The following EPB41L4A variants were observed in gnomAD, a reference collection of about 807,000 sequenced individuals.
EPB41L4A encodes the protein erythrocyte membrane protein band 4.1 like 4A, also known as band 4.1-like protein 4A.
Under a neutral mutation model 108.6 loss-of-function variants are expected in EPB41L4A, and 100 were observed. The observed-to-expected ratio is 0.92, with a 90% confidence interval of 0.78 to 1.09. EPB41L4A has a LOEUF of 1.09. Ranked by LOEUF, EPB41L4A falls within the 50% of genes least tolerant of loss-of-function variation. The probability of loss-of-function intolerance (pLI) is 0.00; values close to 1 mark genes in which losing one functional copy is unlikely to be tolerated. For synonymous variants in EPB41L4A, 319 were observed against 289.0 expected, an observed-to-expected ratio of 1.10 and a Z score of -1.05; for missense variants, 1,030 against 842.7, an observed-to-expected ratio of 1.22 and a Z score of -2.75.
In EPB41L4A at chr5:112,227,805, T is replaced by C. The variant is rs192414588; in HGVS notation, c.1087+6829A>G. ...CTTAGCAGCCCAGAGCTATACTTCA[T>C]CAAATGAAACTGTACTTCATTATAT... is the stretch of plus-strand genomic sequence containing the variant. On this transcript the variant is annotated intron_variant, in intron 12 of 22. Transcript: ENST00000261486. Among the ~76,000 whole-genome samples, 716 of 152,354 alleles carry C rather than the reference T, an allele frequency of 4.7e-3. 8 individuals carry two copies. The highest frequency in any genetic ancestry group is 0.017 in the South Asian group (81 of 4,830).
chr5:112,245,106 CA>C (rs201980289), intron 9 of EPB41L4A, among the ~76,000 whole-genome samples: 2,817 of 103,788 alleles, frequency 0.027, 42 homozygotes, highest in African/African-American at 0.069. Context: ...AAGTGAAGTG[CA>C]AAAAAAAAAA....
At chr5:112,266,203 C>A in intron 5 of EPB41L4A, 30 bp downstream of exon 5, 4 of 1,493,882 alleles carry the variant, frequency 2.7e-6, no homozygotes, top group Non-Finnish European at 3.6e-6. Flanking sequence ...CCAGACATTT[C>A]TGAGGCAAAT....
chr5:112,219,882 G>C (rs192621102), intron 12 of EPB41L4A, among the ~76,000 whole-genome samples: 15 of 152,244 alleles, frequency 9.9e-5, no homozygotes, highest in Admixed American at 2.6e-4. Flanking sequence ...TTTTAGTAGA[G>C]ATAGGGTTTC....
chr5:112,329,689 A>G (rs897868041), intron 1 of EPB41L4A, among the ~76,000 whole-genome samples: 3 of 152,134 alleles, frequency 2.0e-5, no homozygotes, highest in African/African-American at 7.2e-5. Context: ...ATACAACTCT[A>G]ATCCCAGGGA....
chr5:112,287,117 T>G (rs540574115), intron 2 of EPB41L4A, among the ~76,000 whole-genome samples: 1 of 152,324 alleles, frequency 6.6e-6, no homozygotes, highest in East Asian at 1.9e-4. Context: ...TCAAGGCTCA[T>G]GGCCTTAAAT....
chr5:112,157,904 C>T (rs930324605), downstream of EPB41L4A, among the ~76,000 whole-genome samples: 2 of 152,176 alleles, frequency 1.3e-5, no homozygotes, highest in African/African-American at 4.8e-5. Context: ...TACACAGTGC[C>T]TCAGCCCAGC....
intron 16 of EPB41L4A, 40 bp downstream of exon 16, chr5:112,195,621 C>T (rs1390389707): frequency 6.5e-7 from 1 of 1,535,230 alleles, no homozygotes; most frequent in Admixed American, 1.7e-5. Context: ...TCTGCTAACC[C>T]TTCTTCCCTC....
At chr5:112,284,367 G>A (rs755764096) in intron 2 of EPB41L4A, among the ~76,000 whole-genome samples, 1 of 152,002 alleles carries the variant, frequency 6.6e-6, no homozygotes, top group Non-Finnish European at 1.5e-5. Flanking sequence ...TTTCACACTG[G>A]GTCCAATGTT....
intron 9 of EPB41L4A, among the ~76,000 whole-genome samples, chr5:112,254,047 C>A (rs532058658): frequency 1.3e-5 from 2 of 152,216 alleles, no homozygotes; most frequent in Admixed American, 6.5e-5. Flanking sequence ...TTGCCAGGAA[C>A]CTTTTGGTTC....
intron 2 of EPB41L4A, among the ~76,000 whole-genome samples, chr5:112,284,590 T>G (rs1753164605): frequency 6.6e-6 from 1 of 152,214 alleles, no homozygotes; most frequent in South Asian, 2.1e-4. Flanking sequence ...GCTGACAAGC[T>G]GGATGAGATC....
intron 1 of EPB41L4A, among the ~76,000 whole-genome samples, chr5:112,311,162 C>A (rs1022913768): frequency 5.9e-5 from 9 of 152,154 alleles, no homozygotes; most frequent in African/African-American, 2.2e-4. Context: ...CCACACCCGG[C>A]TACAGCATTC....
At chr5:112,194,953 G>A (rs11954056) in intron 16 of EPB41L4A, among the ~76,000 whole-genome samples, 4,980 of 152,222 alleles carry the variant, frequency 0.033, 313 homozygotes, top group African/African-American at 0.11. Context: ...TGGCAAAGCC[G>A]TAAGTCGGTG....
chr5:112,204,720 A>G, intron 14 of EPB41L4A: 1 of 378,402 alleles, frequency 2.6e-6, no homozygotes, highest in Non-Finnish European at 4.9e-6. Context: ...ACTAGCCTTC[A>G]GTAGTAAAAA....
chr5:112,399,858 C>G (rs367871359), intron 1 of EPB41L4A, among the ~76,000 whole-genome samples: 12 of 152,344 alleles, frequency 7.9e-5, no homozygotes, highest in African/African-American at 2.4e-4. Flanking sequence ...CCCTTCACCC[C>G]CTTTGACTAA....
At chr5:112,416,448 T>C (rs976914776) in intron 1 of EPB41L4A, among the ~76,000 whole-genome samples, 2 of 152,234 alleles carry the variant, frequency 1.3e-5, no homozygotes, top group Non-Finnish European at 2.9e-5. Context: ...TCATCTAAGA[T>C]AGAATAGGAA....
intron 12 of EPB41L4A, among the ~76,000 whole-genome samples, chr5:112,222,112 T>A (rs1748101893): frequency 6.6e-6 from 1 of 152,220 alleles, no homozygotes; most frequent in Non-Finnish European, 1.5e-5. Context: ...ACACATTTTC[T>A]TCTAAAAATG....
At chr5:112,151,029 G>T (rs1251728134) in intron 12 of EPB41L4A, among the ~76,000 whole-genome samples, 1 of 152,066 alleles carries the variant, frequency 6.6e-6, no homozygotes, top group Non-Finnish European at 1.5e-5. Context: ...GTCTGGGGAG[G>T]GATCTGAGAT....
intron 1 of EPB41L4A, among the ~76,000 whole-genome samples, chr5:112,383,050 C>T (rs1029682018): frequency 1.3e-5 from 2 of 152,254 alleles, no homozygotes; most frequent in African/African-American, 4.8e-5. Context: ...CCAATCAAGA[C>T]AAGTCAAGGC....
chr5:112,158,519 C>A, downstream of EPB41L4A: 1 of 309,016 alleles, frequency 3.2e-6, no homozygotes. Flanking sequence ...AAAATTTCCT[C>A]TCTCTCACTG....
Sources: allele counts gnomAD v4.1 joint callset (sites outside exome capture counted in the v4.1 genomes callset), GRCh38; gene constraint gnomAD v4.1.1; transcripts MANE v1.5; gene names NCBI Gene and HGNC (gene_info 2026-07-23, HGNC 2026-07-21).